Variants in TACR1 observed in about 807,000 individuals in gnomAD.
TACR1 encodes the protein substance-P receptor.
TACR1 carries 25 observed loss-of-function variants against 35.8 expected under a neutral mutation model. The observed-to-expected ratio is 0.70, with a 90% CI of 0.51 to 0.98. The LOEUF is 0.98. TACR1 is among the 50% of genes least tolerant of loss of function. The probability of loss-of-function intolerance (pLI) is 0.00; values close to 1 mark genes in which losing one functional copy is unlikely to be tolerated. For synonymous variants in TACR1, 195 were observed against 206.7 expected (o/e 0.94, Z 0.48); for missense variants, 478 against 522.9 (o/e 0.91, Z 0.84).
At chr2:75,172,871 G>A (rs1199474719) in intron 1 of TACR1, among the ~76,000 whole-genome samples, 2 of 152,068 alleles carry the variant, frequency 1.3e-5, no homozygotes, top group African/African-American at 4.8e-5. Flanking sequence ...GCTTGCAGAT[G>A]GCCACCTTCT....
intron 1 of TACR1, among the ~76,000 whole-genome samples, chr2:75,194,080 C>T (rs985264278): frequency 2.0e-5 from 3 of 152,078 alleles, no homozygotes; most frequent in African/African-American, 4.8e-5. Context: ...TATTTGCCTC[C>T]AATTCAAACT....
chr2:75,071,158 A>T (rs111282986), intron 2 of TACR1, among the ~76,000 whole-genome samples: 3,623 of 152,282 alleles, frequency 0.024, 149 homozygotes, highest in African/African-American at 0.082. Context: ...CCAAGCATCA[A>T]ATATCTACTA....
At chr2:75,194,169 G>A (rs543467090) in intron 1 of TACR1, among the ~76,000 whole-genome samples, 1 of 152,328 alleles carries the variant, frequency 6.6e-6, no homozygotes, top group South Asian at 2.1e-4. Flanking sequence ...TAGGGAGAGA[G>A]TGTGGCAAGT....
chr2:75,182,969 A>G (rs960981415), intron 1 of TACR1, among the ~76,000 whole-genome samples: 2 of 152,190 alleles, frequency 1.3e-5, no homozygotes, highest in African/African-American at 2.4e-5. Context: ...TGTCTTATTA[A>G]TACTTATTTC....
rs979144580 is a variant in TACR1, at chr2:75,067,693, C to T, written c.585-13938G>A. On this transcript the variant is annotated intron_variant, in intron 2 of 4. Transcript: ENST00000305249. ...AGAGACCTGAAGTTCAAAGCAGCGA[C>T]GTGAAGGGTGCAGTGGTGGGTGCCC... Among the ~76,000 whole-genome samples, 40 of 152,240 alleles carry T rather than the reference C, an allele frequency of 2.6e-4. 1 individual carries two copies. The highest frequency in any genetic ancestry group is 1.4e-3 in the Admixed American group (21 of 15,292).
At chr2:75,163,816 C>A (rs1183343467) in intron 1 of TACR1, among the ~76,000 whole-genome samples, 1 of 152,090 alleles carries the variant, frequency 6.6e-6, no homozygotes, top group African/African-American at 2.4e-5. Flanking sequence ...TATTACTCTT[C>A]ATGGATTTAG....
chr2:75,092,420 TA>T (rs996876250), intron 2 of TACR1, among the ~76,000 whole-genome samples: 17 of 151,278 alleles, frequency 1.1e-4, no homozygotes, highest in African/African-American at 2.4e-4. Context: ...TCTTTGGGGT[TA>T]AAAAAAAAGA....
In TACR1 at chr2:75,054,371, T is replaced by C. The variant is rs140327218; in HGVS notation, c.585-616A>G. On this transcript the variant is annotated intron_variant, in intron 2 of 4. Coordinates refer to ENST00000305249, the MANE Select transcript of TACR1 (RefSeq NM_001058.4). Reference sequence around the variant, plus strand: ...AGAGAGATAAGAGTAATCCTAGAACTAGAATTAGTGGGTGGGTGAAAGCCA... The same window carrying C: ...AGAGAGATAAGAGTAATCCTAGAACCAGAATTAGTGGGTGGGTGAAAGCCA... Among the ~76,000 whole-genome samples, 887 of 152,306 alleles carry C rather than the reference T, an allele frequency of 5.8e-3. 5 individuals carry two copies. Among genetic ancestry groups the C allele is most frequent in the African/African-American group, 0.017 (727 of 41,582 alleles).
chr2:75,161,214 G>T (rs1675002016), intron 1 of TACR1, among the ~76,000 whole-genome samples: 1 of 151,904 alleles, frequency 6.6e-6, no homozygotes, highest in East Asian at 1.9e-4. Flanking sequence ...CGGTTGAGAA[G>T]AATATTAAAA....
chr2:75,070,335 A>G (rs1057211557), intron 2 of TACR1, among the ~76,000 whole-genome samples: 6 of 152,012 alleles, frequency 3.9e-5, no homozygotes, highest in African/African-American at 1.5e-4. Flanking sequence ...TGCTTCTGTC[A>G]TAGAATCAGC....
intron 2 of TACR1, among the ~76,000 whole-genome samples, chr2:75,109,454 C>T (rs138080092): frequency 6.6e-6 from 1 of 152,264 alleles, no homozygotes; most frequent in African/African-American, 2.4e-5. Context: ...TACCGGACTA[C>T]AGTTATTAGA....
chr2:75,181,350 A>G (rs1304244087), intron 1 of TACR1, among the ~76,000 whole-genome samples: 1 of 152,192 alleles, frequency 6.6e-6, no homozygotes, highest in Non-Finnish European at 1.5e-5. Context: ...AAAAGAAAAA[A>G]AAGGAAATAT....
intron 1 of TACR1, among the ~76,000 whole-genome samples, chr2:75,128,039 C>T (rs1674108657): frequency 6.6e-6 from 1 of 152,200 alleles, no homozygotes; most frequent in African/African-American, 2.4e-5. Context: ...GGACGGTAAG[C>T]TTCCTGAGGG....
intron 1 of TACR1, among the ~76,000 whole-genome samples, chr2:75,182,080 G>T (rs1675572725): frequency 6.6e-6 from 1 of 152,202 alleles, no homozygotes; most frequent in Non-Finnish European, 1.5e-5. Flanking sequence ...CTTAGCTTAG[G>T]CTAAGGATTA....
rs558450977 is a variant in TACR1 at position 75,125,930 on chromosome 2, A to G, written c.390-5162T>C. On this transcript the variant is annotated intron_variant, in intron 1 of 4. Transcript: ENST00000305249. The stretch of plus-strand genomic sequence containing the variant: ...GATTCAGTCTTTCTTAGTTTTTTAT[A>G]GCTTTGATTTTAGGTTCAGGGGTAC... 3.9e-5 allele frequency among the ~76,000 whole-genome samples: 6 copies of G among 152,264 alleles called. No individual in the cohort carries two copies. The South Asian group carries it at 1.0e-3, about 26-fold the overall frequency.
intron 3 of TACR1, among the ~76,000 whole-genome samples, 154 bp from the exon 4 acceptor site, chr2:75,051,601 A>C (rs1573455822): frequency 6.6e-6 from 1 of 152,106 alleles, no homozygotes; most frequent in South Asian, 2.1e-4. Context: ...GATCTTTACT[A>C]TATGGTGCTA....
At chr2:75,062,391 A>G (rs751825009) in intron 2 of TACR1, among the ~76,000 whole-genome samples, 1 of 152,148 alleles carries the variant, frequency 6.6e-6, no homozygotes, top group African/African-American at 2.4e-5. Flanking sequence ...TCCTACACAC[A>G]CTCATATTTG....
chr2:75,123,528 C>A lies in TACR1; in HGVS notation c.390-2760G>T, dbSNP rs56152123. 3.4e-3 allele frequency among the ~76,000 whole-genome samples: 517 copies of A among 152,228 alleles called. 2 individuals carry two copies. Among genetic ancestry groups the A allele is most frequent in the African/African-American group, 0.012 (483 of 41,518 alleles). ...TATTGCAAAAATTGCAATTTGGGAACGCACTTCAGTTAACTCTCTACCGTT... is the reference window on the plus strand; with the variant it reads ...TATTGCAAAAATTGCAATTTGGGAAAGCACTTCAGTTAACTCTCTACCGTT... On this transcript the variant is annotated intron_variant, in intron 1 of 4. Transcript: ENST00000305249.
chr2:75,094,838 C>CATATATATATATATATAT lies in TACR1; in HGVS notation c.584+25718_584+25735dup, dbSNP rs770472061. On this transcript the variant is annotated intron_variant, in intron 2 of 4. Coordinates refer to ENST00000305249, the MANE Select transcript of TACR1 (RefSeq NM_001058.4). ...AAATTGCAAGCTGAGGAAGCAGAAA[C>CATATATATATATATATAT]ATATATATATATATATATATATTTT... Among the ~76,000 whole-genome samples, 77 of 119,832 alleles carry CATATATATATATATATAT rather than the reference C, an allele frequency of 6.4e-4. 1 individual carries two copies. Among genetic ancestry groups the CATATATATATATATATAT allele is most frequent in the African/African-American group, 9.8e-4 (21 of 21,538 alleles). 78.6% of individuals were successfully genotyped at this position (119,832 alleles called of 152,430 possible).
Sources: gnomAD v4.1 joint callset for allele counts (sites outside exome capture counted in the v4.1 genomes callset) on GRCh38, gnomAD v4.1.1 for gene constraint, MANE v1.5 for transcripts, NCBI Gene and HGNC (gene_info 2026-07-23, HGNC 2026-07-21) for gene names.